NCEH1: variants seen among roughly 807,000 people sequenced by gnomAD.
The protein encoded by NCEH1 is neutral cholesterol ester hydrolase 1.
NCEH1 carries 9 observed loss-of-function variants against 25.4 expected under a neutral mutation model. That is an observed-to-expected ratio of 0.35 (90% confidence interval 0.21 to 0.62). The LOEUF is 0.62. Ranked by LOEUF, NCEH1 falls within the 20% of genes least tolerant of loss-of-function variation. The probability of loss-of-function intolerance (pLI) is 0.72; values close to 1 mark genes in which losing one functional copy is unlikely to be tolerated. For missense variants in NCEH1, 412 were observed against 501.1 expected (o/e 0.82, Z 1.70); for synonymous variants, 200 against 199.8 (o/e 1.00, Z -0.01).
chr3:172,633,837 T>C lies in NCEH1; in HGVS notation c.865A>G (p.Thr289Ala). 3 of 1,614,244 alleles carry C rather than the reference T, an allele frequency of 1.9e-6. No homozygotes were observed. The highest frequency in any genetic ancestry group is 2.5e-6 in the Non-Finnish European group (3 of 1,180,056). Residue 289 changes from threonine to alanine, a missense_variant, in exon 5 of 5, where the codon ACA becomes GCA. Around this residue, in one of 3 missense-constraint regions of NCEH1, gnomAD observed 210 missense variants for 258.2 expected, o/e 0.81. Transcript: ENST00000475381. ...AAAVRARLNWTSLLPASFTKN... is the reference protein window; with the variant it reads ...AAAVRARLNWASLLPASFTKN... The stretch of plus-strand genomic sequence containing the variant: ...GTGAAGGATGCAGGCAAGAGGGATG[T>C]CCAGTTTAGACGGGCCCTGACAGCA...
intron 1 of NCEH1, among the ~76,000 whole-genome samples, chr3:172,688,396 G>A (rs1712825755): frequency 6.7e-6 from 1 of 149,468 alleles, no homozygotes; most frequent in Admixed American, 6.7e-5. Context: ...GGAATTTATT[G>A]GATCTTCTCA....
chr3:172,691,965 A>AAAGAAAG (rs1553838720), intron 1 of NCEH1, among the ~76,000 whole-genome samples: 4 of 29,624 alleles, frequency 1.4e-4, no homozygotes, highest in Non-Finnish European at 2.8e-4. Flanking sequence ...AAAAAAAAAA[A>AAAGAAAG]AAAGAAAGAA....
chr3:172,643,803 C>CAA (rs1716977403), intron 3 of NCEH1, among the ~76,000 whole-genome samples: 1 of 152,264 alleles, frequency 6.6e-6, no homozygotes, highest in South Asian at 2.1e-4. Context: ...CTCAGGCCTG[C>CAA]AAGGAGCTGG....
intron 1 of NCEH1, among the ~76,000 whole-genome samples, chr3:172,648,365 T>C (rs1396325143): frequency 4.6e-5 from 7 of 152,140 alleles, no homozygotes; most frequent in Admixed American, 4.6e-4. Context: ...TAACTATGCT[T>C]GTTCATTTCA....
chr3:172,675,302 CAAATAAATAAATAAAT>C (rs56201640), intron 1 of NCEH1, among the ~76,000 whole-genome samples: 128 of 142,490 alleles, frequency 9.0e-4, no homozygotes, highest in African/African-American at 1.4e-3. Context: ...GATCCTGTCT[CAAATAAATAAATAAAT>C]AAATAAATAA....
At chr3:172,704,098 GATT>G (rs59503151) in intron 1 of NCEH1, among the ~76,000 whole-genome samples, 82,771 of 151,798 alleles carry the variant, frequency 0.55, 24,613 homozygotes, top group African/African-American at 0.8. Flanking sequence ...TTATGAAAGA[GATT>G]ATTAGCACGT....
chr3:172,685,384 A>G (rs1339031714), intron 1 of NCEH1, among the ~76,000 whole-genome samples: 4 of 152,168 alleles, frequency 2.6e-5, no homozygotes, highest in African/African-American at 9.7e-5. Context: ...TCATTTCTTC[A>G]TACATCTTTC....
intron 1 of NCEH1, among the ~76,000 whole-genome samples, chr3:172,672,888 G>A (rs1711723319): frequency 4.6e-5 from 7 of 152,200 alleles, no homozygotes; most frequent in Admixed American, 4.6e-4. Flanking sequence ...GCAAAAACCA[G>A]TGGAGACAGA....
chr3:172,685,690 AT>A (rs1712659792), intron 1 of NCEH1, among the ~76,000 whole-genome samples: 1 of 151,926 alleles, frequency 6.6e-6, no homozygotes, highest in African/African-American at 2.4e-5. Flanking sequence ...ACTTAACTTT[AT>A]ACTTATTTTG....
At position 172,654,626 on chromosome 3, in the gene NCEH1, G is replaced by A. The variant is rs549138818; in HGVS notation, c.139-6512C>T. Among the ~76,000 whole-genome samples, 6 of 152,186 alleles carry A rather than the reference G, an allele frequency of 3.9e-5. No individual in the cohort carries two copies. The South Asian group carries it at 1.0e-3, about 26-fold the overall frequency. On this transcript the variant is annotated intron_variant, in intron 1 of 4. Transcript: ENST00000475381. ...GTATGGTCATATTGAAGGGGAAGGAGGCAGCTGGGGAAGAACCAGCAGCAC... is the reference window on the plus strand; with the variant it reads ...GTATGGTCATATTGAAGGGGAAGGAAGCAGCTGGGGAAGAACCAGCAGCAC...
intron 1 of NCEH1, among the ~76,000 whole-genome samples, chr3:172,653,272 T>C (rs759467733): frequency 2.6e-5 from 4 of 152,098 alleles, no homozygotes; most frequent in Non-Finnish European, 4.4e-5. Flanking sequence ...CCTACCCAGG[T>C]CTGATGGCTG....
intron 1 of NCEH1, among the ~76,000 whole-genome samples, chr3:172,659,255 CT>C (rs1717853520): frequency 6.6e-6 from 1 of 151,956 alleles, no homozygotes; most frequent in Admixed American, 6.6e-5. Flanking sequence ...GATAATTTGG[CT>C]GAAGGCAGCC....
chr3:172,650,478 C>T (rs527798506), intron 1 of NCEH1, among the ~76,000 whole-genome samples: 1 of 135,156 alleles, frequency 7.4e-6, no homozygotes, highest in East Asian at 2.2e-4. Context: ...CCTGTCTCTA[C>T]TAAAAATACA....
In NCEH1 at chr3:172,660,885, T is replaced by A. The variant is rs377332906; in HGVS notation, c.139-12771A>T. ...TTCTGGATATTAGCCCTTTGTCAGA[T>A]GGGAAGATTGTAAAAATTTTCTCCC... On this transcript the variant is annotated intron_variant, in intron 1 of 4. Coordinates refer to ENST00000475381, the MANE Select transcript of NCEH1 (RefSeq NM_020792.6). Among the ~76,000 whole-genome samples, 277 of 152,348 alleles carry A rather than the reference T, an allele frequency of 1.8e-3. 4 individuals are homozygous for A. In the South Asian group the frequency reaches 0.019, roughly 10 times the overall value.
intron 1 of NCEH1, among the ~76,000 whole-genome samples, chr3:172,693,588 T>C (rs747317166): frequency 6.6e-6 from 1 of 152,222 alleles, no homozygotes; most frequent in African/African-American, 2.4e-5. Flanking sequence ...TCTCGAAATA[T>C]GCTTTGAGAG....
At chr3:172,637,619 T>C (rs1187694048) in intron 3 of NCEH1, among the ~76,000 whole-genome samples, 1 of 152,080 alleles carries the variant, frequency 6.6e-6, no homozygotes, top group Non-Finnish European at 1.5e-5. Context: ...CCAGGTGCGG[T>C]GGCTTAGGTC....
chr3:172,659,533 CTG>C (rs566523087), intron 1 of NCEH1, among the ~76,000 whole-genome samples: 223 of 152,302 alleles, frequency 1.5e-3, no homozygotes, highest in African/African-American at 4.9e-3. Context: ...TCCTTGGTGT[CTG>C]TGAGTGGCCC....
chr3:172,683,907 A>G (rs1489755049), intron 1 of NCEH1, among the ~76,000 whole-genome samples: 1 of 152,154 alleles, frequency 6.6e-6, no homozygotes, highest in African/African-American at 2.4e-5. Flanking sequence ...CAGTAGTGTT[A>G]CTTAATATTA....
At position 172,681,934 on chromosome 3, in the gene NCEH1, T is replaced by C. The variant is rs1397983960; in HGVS notation, c.138+28913A>G. ...AAAAAAAAAAAAGACTGAACAACAC[T>C]CCTTTTTCAAAGAAAAATTATGCCC... is the stretch of plus-strand genomic sequence containing the variant. On this transcript the variant is annotated intron_variant, in intron 1 of 4. Coordinates refer to ENST00000475381, the MANE Select transcript of NCEH1 (RefSeq NM_020792.6). Among the ~76,000 whole-genome samples the C allele has an allele frequency of 2.0e-5, 3 of 151,222 alleles. No individual in the cohort carries two copies. The East Asian group carries it at 5.8e-4, about 29-fold the overall frequency.
Sources: allele counts gnomAD v4.1 joint callset (sites outside exome capture counted in the v4.1 genomes callset), GRCh38; gene constraint gnomAD v4.1.1; regional missense constraint gnomAD v4.1.1; transcripts MANE v1.5; gene names NCBI Gene and HGNC (gene_info 2026-07-23, HGNC 2026-07-21).